Variants in CENPE observed in about 807,000 individuals in gnomAD.
CENPE encodes centromere-associated protein E.
A neutral mutation model predicts 336.1 loss-of-function variants in CENPE; 145 were observed. The observed-to-expected ratio is 0.43, with a 90% CI of 0.38 to 0.50. The LOEUF (loss-of-function observed/expected upper bound fraction) is 0.50. Among genes scored for constraint, CENPE ranks in the 20% least tolerant of loss-of-function variants. The probability of loss-of-function intolerance (pLI) is 0.00; values close to 1 mark genes in which losing one functional copy is unlikely to be tolerated. For missense variants in CENPE, 2,719 were observed against 3,023.3 expected (o/e 0.90, Z 2.36); for synonymous variants, 1,013 against 984.8 (o/e 1.03, Z -0.54).
intron 42 of CENPE, among the ~76,000 whole-genome samples, chr4:103,129,419 A>C (rs1275889097): frequency 6.6e-6 from 1 of 152,196 alleles, no homozygotes; most frequent in Non-Finnish European, 1.5e-5. Context: ...TATACAAGAA[A>C]ACTACAGACC....
chr4:103,123,249 T>C (rs138937902), intron 42 of CENPE, among the ~76,000 whole-genome samples, 160 bp from the exon 43 acceptor site: 4 of 152,350 alleles, frequency 2.6e-5, no homozygotes, highest in African/African-American at 7.2e-5. Context: ...AGGTTTTGAA[T>C]TGCACATCAT....
rs1160278826 is a variant in CENPE, at chr4:103,182,709, C to T, written c.963+53G>A. The T allele has an allele frequency of 2.8e-6, 4 of 1,446,760 alleles. No individual in the cohort carries two copies. In the African/African-American group the frequency reaches 5.7e-5, roughly 21 times the overall value. The allele number at this position is 1,446,760 out of a possible 1,614,324, so 89.6% of individuals were successfully genotyped here. ...GCTTAATTTTAGTAGGTAATGTTTT[C>T]TTCTTCAAGCTGATCTTCCCCTATA... On this transcript the variant is annotated intron_variant, in intron 11 of 48. Transcript: ENST00000265148.
chr4:103,121,021 C>T (rs1332873392), intron 43 of CENPE, among the ~76,000 whole-genome samples: 1 of 152,124 alleles, frequency 6.6e-6, no homozygotes, highest in Non-Finnish European at 1.5e-5. Flanking sequence ...AAGGCATGAA[C>T]CACCATGCCC....
chr4:103,177,151 C>A, intron 13 of CENPE, 105 bp from the exon 14 acceptor site: 1 of 898,334 alleles, frequency 1.1e-6, no homozygotes, highest in South Asian at 1.8e-5. Flanking sequence ...TGGTAGAATT[C>A]TTATTAAGCC....
At chr4:103,116,204 C>T (rs1250058023) in intron 45 of CENPE, among the ~76,000 whole-genome samples, 2 of 150,950 alleles carry the variant, frequency 1.3e-5, no homozygotes, top group African/African-American at 4.9e-5. Context: ...GTAAGGCCAA[C>T]AAATGAAATT....
At position 103,161,429 on chromosome 4, in the gene CENPE, T is replaced by C. The variant is rs1192788041; in HGVS notation, c.1871A>G (p.Lys624Arg). ...LESIEDPKQM[K>R]QTLFDAETVA... is the part of the protein sequence containing the mutation. Reference sequence around the variant, plus strand: ...AGTTTCAGCATCAAACAGAGTCTGCTTCATTTGTTTTGGGTCTTCAATGCT... The same window carrying C: ...AGTTTCAGCATCAAACAGAGTCTGCCTCATTTGTTTTGGGTCTTCAATGCT... The change falls in exon 19 of 49, where the codon AAG (lysine) becomes AGG (arginine). Residue 624 changes from lysine to arginine, a missense_variant. Lys to Arg is a conservative substitution (Grantham distance 26). Transcript: ENST00000265148. 6.2e-7 allele frequency: 1 copy of C among 1,611,586 alleles called. No individual in the cohort carries two copies. Among genetic ancestry groups the C allele is most frequent in the Non-Finnish European group, 8.5e-7 (1 of 1,178,994 alleles).
chr4:103,197,467 TC>T (rs1757828147), intron 1 of CENPE, among the ~76,000 whole-genome samples: 2 of 152,230 alleles, frequency 1.3e-5, no homozygotes, highest in South Asian at 4.1e-4. Flanking sequence ...TCAAAAGGTA[TC>T]CTAATGGTTT....
chr4:103,141,680 T>C (rs1752573560), intron 35 of CENPE, 70 bp downstream of exon 35: 1 of 1,155,494 alleles, frequency 8.7e-7, no homozygotes, highest in Non-Finnish European at 1.2e-6. Flanking sequence ...GTTGAACCAT[T>C]TTATATCCCC....
Position 103,145,539 on chromosome 4 carries a change from T to C in CENPE, c.4556A>G (p.Asp1519Gly). The C allele has an allele frequency of 6.2e-7, 1 of 1,605,448 alleles. No homozygotes were observed. The highest frequency in any genetic ancestry group is 1.3e-5 in the African/African-American group (1 of 74,614). Residue 1519 changes from aspartate to glycine, a missense_variant, in exon 31 of 49, where the codon GAT becomes GGT. By Grantham distance (94) the Asp-to-Gly change is moderately conservative. Coordinates refer to ENST00000265148, the MANE Select transcript of CENPE (RefSeq NM_001813.3). ...CCAATTTACCTTGTTCTGTAATTTA[T>C]CATTGATTGCTTCTAACTGCTTTTG... Reference protein sequence around the residue: ...TIQKQLEAINDKLQNKIQEIY... With the variant: ...TIQKQLEAINGKLQNKIQEIY...
In CENPE at chr4:103,194,985, C is replaced by A. The variant is rs1578704330; in HGVS notation, c.477+129G>T. Reference sequence around the variant, plus strand: ...GTTTAAAAGATGAATATAAATACTTCAAAAAAACCCTCACATACTATAGAA... The same window carrying A: ...GTTTAAAAGATGAATATAAATACTTAAAAAAAACCCTCACATACTATAGAA... On this transcript the variant is annotated intron_variant, in intron 5 of 48. Coordinates refer to ENST00000265148, the MANE Select transcript of CENPE (RefSeq NM_001813.3). 1.6e-5 allele frequency: 13 copies of A among 796,656 alleles called. 1 individual carries two copies. The East Asian group carries it at 3.7e-4, about 23-fold the overall frequency. 49.3% of individuals were successfully genotyped at this position (796,656 alleles called of 1,614,324 possible).
rs1468342778 is a variant in CENPE at position 103,149,789 on chromosome 4, T to C, written c.3397-381A>G. Reference sequence around the variant, plus strand: ...CAAGCCAAGGAATGCGAAGGGTAGCTGGGAGACACTGGAAGCTAGGAAGAA... The same window carrying C: ...CAAGCCAAGGAATGCGAAGGGTAGCCGGGAGACACTGGAAGCTAGGAAGAA... On this transcript the variant is annotated intron_variant, in intron 26 of 48. Coordinates refer to ENST00000265148, the MANE Select transcript of CENPE (RefSeq NM_001813.3). Among the ~76,000 whole-genome samples the C allele has an allele frequency of 5.4e-4, 82 of 152,136 alleles. 1 individual carries two copies. The highest frequency in any genetic ancestry group is 1.9e-4 in the East Asian group (1 of 5,196).
intron 8 of CENPE, among the ~76,000 whole-genome samples, chr4:103,189,879 G>A (rs1390805251): frequency 2.6e-5 from 4 of 152,178 alleles, no homozygotes; most frequent in South Asian, 2.1e-4. Flanking sequence ...ACATGATTGT[G>A]TATCTAGAAA....
intron 40 of CENPE, 42 bp from the exon 41 acceptor site, chr4:103,133,934 G>A: frequency 7.8e-7 from 1 of 1,287,376 alleles, no homozygotes; most frequent in Non-Finnish European, 1.1e-6. Flanking sequence ...TGAAAATTTT[G>A]TCACATGTAG....
At chr4:103,174,613 T>G (rs1755696596) in intron 16 of CENPE, 123 bp downstream of exon 16, 1 of 643,950 alleles carries the variant, frequency 1.6e-6, no homozygotes, top group Admixed American at 4.1e-5. Context: ...TTGTATACAA[T>G]AAACACATAA....
intron 16 of CENPE, among the ~76,000 whole-genome samples, chr4:103,171,677 A>G (rs746418698): frequency 5.3e-5 from 8 of 151,898 alleles, no homozygotes; most frequent in Non-Finnish European, 8.8e-5. Context: ...TAAACAAAAT[A>G]GGGACTTTAA....
intron 47 of CENPE, among the ~76,000 whole-genome samples, 190 bp from the exon 48 acceptor site, chr4:103,109,279 C>A (rs528612662): frequency 6.6e-6 from 1 of 152,114 alleles, no homozygotes; most frequent in African/African-American, 2.4e-5. Flanking sequence ...GTTCAGAAAA[C>A]AAAATGGATC....
In CENPE at chr4:103,145,980, A is replaced by T; in HGVS notation, c.4262T>A (p.Ile1421Lys). Residue 1421 changes from isoleucine to lysine, a missense_variant, in exon 30 of 49, where the codon ATA becomes AAA. By Grantham distance (102) the Ile-to-Lys change is moderately radical. Around this residue, in one of 5 missense-constraint regions of CENPE, gnomAD observed 2,437 missense variants for 2,513.3 expected, o/e 0.97. Transcript: ENST00000265148. Reference sequence around the variant, plus strand: ...TCTTTTGGACAATCCGAGCATTTCTATTTCTATCCTTAGTAGTGCTGAATC... The same window carrying T: ...TCTTTTGGACAATCCGAGCATTTCTTTTTCTATCCTTAGTAGTGCTGAATC... ...PKDSALLRIE[I>K]EMLGLSKRLQ... 6.2e-7 allele frequency: 1 copy of T among 1,613,792 alleles called. No individual in the cohort carries two copies. Among genetic ancestry groups the T allele is most frequent in the Non-Finnish European group, 8.5e-7 (1 of 1,179,908 alleles).
At chr4:103,111,888 A>G (rs1170178621) in intron 46 of CENPE, among the ~76,000 whole-genome samples, 1 of 152,080 alleles carries the variant, frequency 6.6e-6, no homozygotes, top group African/African-American at 2.4e-5. Flanking sequence ...CTATAATACA[A>G]GCAAATATCA....
chr4:103,171,708 GT>G (rs200758380), intron 16 of CENPE, among the ~76,000 whole-genome samples: 117 of 141,868 alleles, frequency 8.2e-4, no homozygotes, highest in Middle Eastern at 3.6e-3. Context: ...AAAATAAAGA[GT>G]TTTTTTTTTT....
Sources: gnomAD v4.1 joint callset for allele counts (sites outside exome capture counted in the v4.1 genomes callset) on GRCh38, gnomAD v4.1.1 for gene constraint, gnomAD v4.1.1 regional missense constraint, MANE v1.5 for transcripts, NCBI Gene and HGNC (gene_info 2026-07-23, HGNC 2026-07-21) for gene names.